RBM25: variants seen among roughly 807,000 people sequenced by gnomAD.
RBM25 encodes RNA binding motif protein 25.
A neutral mutation model predicts 120.7 loss-of-function variants in RBM25; 19 were observed. The ratio of observed to expected loss-of-function variants is 0.16; its 90% CI spans 0.11 to 0.23. The LOEUF is 0.23. Among genes scored for constraint, RBM25 ranks in the 10% least tolerant of loss-of-function variants. RBM25 has a pLI of 1.00. For missense variants in RBM25, 605 were observed against 1,041.5 expected (o/e 0.58, Z 5.77); for synonymous variants, 390 against 326.7 (o/e 1.19, Z -2.09).
intron 16 of RBM25, 102 bp downstream of exon 16, chr14:73,111,904 CAAAT>C (rs1339737905): frequency 1.5e-6 from 2 of 1,349,488 alleles, no homozygotes; most frequent in Non-Finnish European, 2.0e-6. Context: ...CTATTAATGA[CAAAT>C]AAGTAGGGAT....
chr14:73,060,080 C>G (rs369822431), intron 1 of RBM25, among the ~76,000 whole-genome samples: 5 of 151,838 alleles, frequency 3.3e-5, no homozygotes, highest in Non-Finnish European at 5.9e-5. Context: ...TGCTGTGTTG[C>G]CCAGGCTGGA....
In RBM25 at chr14:73,068,047, C is replaced by T. The variant is rs28444766; in HGVS notation, c.-15-3580C>T. On this transcript the variant is annotated intron_variant, in intron 1 of 18. Coordinates refer to ENST00000261973, the MANE Select transcript of RBM25 (RefSeq NM_021239.3). ...GGCGGTAAGGCTGGGGTGCAGCGCACACTGGTTTAGCGTGAGCAGTGATCA... is the reference window on the plus strand; with the variant it reads ...GGCGGTAAGGCTGGGGTGCAGCGCATACTGGTTTAGCGTGAGCAGTGATCA... The T allele has an allele frequency of 3.9e-3, 1,681 of 435,160 alleles. 25 individuals are homozygous for T. The highest frequency in any genetic ancestry group is 0.031 in the African/African-American group (1,567 of 50,344). The allele number at this position is 435,160 out of a possible 1,614,324, so 27.0% of individuals were successfully genotyped here.
chr14:73,103,206 G>T lies in RBM25; in HGVS notation c.882G>T (p.Glu294Asp). ...TTGGTTTCTAGAAACTGGAAGAAGA[G>T]AAAGGCAAAAAGGAAAAAGAAAGAC... is the stretch of plus-strand genomic sequence containing the variant. ...FRDTHKKLEE[E>D]KGKKEKERQE... is the part of the protein sequence containing the mutation. Residue 294 changes from glutamate to aspartate, a missense_variant, in exon 10 of 19, where the codon GAG becomes GAT. Coordinates refer to ENST00000261973, the MANE Select transcript of RBM25 (RefSeq NM_021239.3). 1 of 1,608,352 alleles carries T rather than the reference G, an allele frequency of 6.2e-7. No individual in the cohort carries two copies. The highest frequency in any genetic ancestry group is 2.2e-5 in the East Asian group (1 of 44,872).
At chr14:73,096,800 T>C (rs1895950565) in intron 6 of RBM25, 115 bp from the exon 7 acceptor site, 1 of 799,176 alleles carries the variant, frequency 1.3e-6, no homozygotes, top group South Asian at 1.8e-5. Flanking sequence ...CTGTGTTTAA[T>C]AGGACTACAG....
At chr14:73,066,741 T>C (rs1465165736) in intron 1 of RBM25, among the ~76,000 whole-genome samples, 1 of 152,104 alleles carries the variant, frequency 6.6e-6, no homozygotes, top group Non-Finnish European at 1.5e-5. Context: ...AATTGAAGTT[T>C]AGTTTTATTG....
intron 2 of RBM25, among the ~76,000 whole-genome samples, chr14:73,075,089 C>A (rs1224412897): frequency 1.3e-5 from 2 of 151,848 alleles, no homozygotes; most frequent in Admixed American, 1.3e-4. Flanking sequence ...ACACCGCAGC[C>A]TTGAACTCCT....
At chr14:73,112,279 C>A in intron 17 of RBM25, 29 bp downstream of exon 17, 2 of 1,525,864 alleles carry the variant, frequency 1.3e-6, no homozygotes, top group Middle Eastern at 2.2e-4. Flanking sequence ...TCCATGCCAG[C>A]ATTTATTTTA....
At chr14:73,069,236 A>G (rs1895217217) in intron 1 of RBM25, among the ~76,000 whole-genome samples, 1 of 152,224 alleles carries the variant, frequency 6.6e-6, no homozygotes, top group Admixed American at 6.5e-5. Context: ...ACATGAAGAG[A>G]TGGCAATTAT....
At chr14:73,119,569 A>G in intron 18 of RBM25, 144 bp from the exon 19 acceptor site, 1 of 1,444,708 alleles carries the variant, frequency 6.9e-7, no homozygotes, top group South Asian at 1.3e-5. Context: ...CCGGCCACTA[A>G]AACAACCTTA....
chr14:73,062,846 G>A (rs1338293958), intron 1 of RBM25, among the ~76,000 whole-genome samples: 1 of 151,038 alleles, frequency 6.6e-6, no homozygotes, highest in Non-Finnish European at 1.5e-5. Context: ...ATTTTTGGGG[G>A]GCCTCACTCT....
chr14:73,084,623 G>A (rs1895641512), intron 5 of RBM25, among the ~76,000 whole-genome samples: 1 of 151,998 alleles, frequency 6.6e-6, no homozygotes. Context: ...TGCGATCTTG[G>A]CTCACTGCAA....
chr14:73,072,451 C>A (rs1895318674), intron 2 of RBM25, among the ~76,000 whole-genome samples: 1 of 152,028 alleles, frequency 6.6e-6, no homozygotes, highest in South Asian at 2.1e-4. Context: ...TTTCCAGATA[C>A]TTAAAAGTGT....
intron 1 of RBM25, among the ~76,000 whole-genome samples, chr14:73,062,193 A>T (rs1170035529): frequency 2.0e-5 from 3 of 151,566 alleles, no homozygotes; most frequent in Non-Finnish European, 4.4e-5. Flanking sequence ...TCAGAAAAAG[A>T]TCAACTCTTT....
rs1183132962 is a variant in RBM25, at chr14:73,060,955, A to G, written c.-16+2250A>G. On this transcript the variant is annotated intron_variant, in intron 1 of 18. Transcript: ENST00000261973. Reference sequence around the variant, plus strand: ...CTAAAAATTAGGACTAGTCTTACCTAACAACAGTACGACAATCAAAATCAG... The same window carrying G: ...CTAAAAATTAGGACTAGTCTTACCTGACAACAGTACGACAATCAAAATCAG... Among the ~76,000 whole-genome samples the G allele has an allele frequency of 4.0e-5, 6 of 151,102 alleles. No homozygotes were observed. In the East Asian group the frequency reaches 9.6e-4, roughly 24 times the overall value.
chr14:73,065,529 A>G (rs965261008), intron 1 of RBM25, among the ~76,000 whole-genome samples: 1 of 151,950 alleles, frequency 6.6e-6, no homozygotes, highest in Non-Finnish European at 1.5e-5. Flanking sequence ...GGTTCAAGCA[A>G]TTCCCCTGCC....
rs934823226 is a variant in RBM25, at chr14:73,123,749, A to G, written c.*3944A>G. 6.6e-6 allele frequency: 1 copy of G among 152,236 alleles called. No individual in the cohort carries two copies. The highest frequency in any genetic ancestry group is 1.5e-5 in the Non-Finnish European group (1 of 68,038). 9.4% of individuals were successfully genotyped at this position (152,236 alleles called of 1,614,324 possible). On this transcript the variant is annotated 3_prime_UTR_variant, in exon 19 of 19. Coordinates refer to ENST00000261973, the MANE Select transcript of RBM25 (RefSeq NM_021239.3). ...AATTTATTTGCATTTGAATGCTTAC[A>G]TTTTTAATTGACAGAATCTTTGCAT...
At chr14:73,088,464 C>A in intron 6 of RBM25, 1 of 498,902 alleles carries the variant, frequency 2.0e-6, no homozygotes. Context: ...TTCATTAAGG[C>A]AGCTTTGTAA....
At chr14:73,076,464 A>G (rs1467315625) in intron 3 of RBM25, 96 bp downstream of exon 3, 1 of 1,107,392 alleles carries the variant, frequency 9.0e-7, no homozygotes, top group African/African-American at 1.6e-5. Context: ...TGAGTATTTA[A>G]AAGAATAACA....
intron 4 of RBM25, among the ~76,000 whole-genome samples, chr14:73,081,591 G>C (rs570336032): frequency 1.6e-4 from 24 of 152,264 alleles, no homozygotes; most frequent in Admixed American, 4.6e-4. Context: ...ACACATAGTA[G>C]TTCCTGTTAT....
Sources: allele counts gnomAD v4.1 joint callset (sites outside exome capture counted in the v4.1 genomes callset), GRCh38; gene constraint gnomAD v4.1.1; transcripts MANE v1.5; gene names NCBI Gene and HGNC (gene_info 2026-07-23, HGNC 2026-07-21).